CFAP54: variants seen among roughly 807,000 people sequenced by gnomAD.
CFAP54 encodes the protein cilia and flagella associated protein 54, also known as cilia- and flagella-associated protein 54.
A neutral mutation model predicts 370.4 loss-of-function variants in CFAP54; 290 were observed. The observed-to-expected ratio is 0.78, with a 90% CI of 0.71 to 0.86. CFAP54 has a LOEUF of 0.86. Among genes scored for constraint, CFAP54 ranks in the 40% least tolerant of loss-of-function variants. The probability of loss-of-function intolerance (pLI) is 0.00; values close to 1 mark genes in which losing one functional copy is unlikely to be tolerated. For synonymous variants in CFAP54, 1,206 were observed against 1,236.5 expected (o/e 0.98, Z 0.52); for missense variants, 3,399 against 3,528.7 (o/e 0.96, Z 0.93).
At chr12:96,581,793 C>T (rs1469283390) in intron 22 of CFAP54, among the ~76,000 whole-genome samples, 2 of 152,022 alleles carry the variant, frequency 1.3e-5, no homozygotes, top group African/African-American at 2.4e-5. Context: ...ATATAATTGA[C>T]ATTGCTGTAT....
intron 55 of CFAP54, 147 bp downstream of exon 55, chr12:96,744,293 A>G: frequency 1.4e-6 from 1 of 719,410 alleles, no homozygotes; most frequent in Non-Finnish European, 2.3e-6. Context: ...GTTTTTGATC[A>G]CTTATCATAT....
At position 96,540,959 on chromosome 12, in the gene CFAP54, C is replaced by G. The variant is rs1955562809; in HGVS notation, c.2049C>G (p.Ser683Arg). ...GTGAAATATTGGAATCTTTAGGAAG[C>G]CCAGGAAGAAAATTTAAACAATCTC... is the stretch of plus-strand genomic sequence containing the variant. ...RLSEILESLGSPGRKFKQSLD... is the reference protein window; with the variant it reads ...RLSEILESLGRPGRKFKQSLD... The change falls in exon 14 of 68, where the codon AGC becomes AGG. Residue 683 changes from serine to arginine, a missense_variant. Physicochemically the swap from Ser to Arg is moderately radical, Grantham distance 110. Coordinates refer to ENST00000524981, the MANE Select transcript of CFAP54 (RefSeq NM_001306084.2). The G allele has an allele frequency of 6.7e-7, 1 of 1,503,416 alleles. No individual in the cohort carries two copies. 93.1% of individuals were successfully genotyped at this position (1,503,416 alleles called of 1,614,324 possible).
intron 66 of CFAP54, among the ~76,000 whole-genome samples, chr12:96,859,225 C>G (rs1468181515): frequency 6.6e-6 from 1 of 152,028 alleles, no homozygotes; most frequent in Non-Finnish European, 1.5e-5. Context: ...GAAGCTGGAC[C>G]CCTTATTTAT....
intron 33 of CFAP54, among the ~76,000 whole-genome samples, chr12:96,644,693 G>T: frequency 6.6e-6 from 1 of 152,170 alleles, no homozygotes; most frequent in Non-Finnish European, 1.5e-5. Context: ...ACACATGGTG[G>T]CAGGAGAGAG....
At chr12:96,604,052 T>C (rs895717796) in intron 26 of CFAP54, among the ~76,000 whole-genome samples, 9 of 152,260 alleles carry the variant, frequency 5.9e-5, no homozygotes, top group Non-Finnish European at 1.5e-5. Flanking sequence ...TTTTGGAATT[T>C]TTAGCCCTTC....
intron 50 of CFAP54, among the ~76,000 whole-genome samples, chr12:96,738,887 G>A (rs1198681211): frequency 6.6e-6 from 1 of 152,174 alleles, no homozygotes; most frequent in Admixed American, 6.5e-5. Context: ...TGGGATTACA[G>A]GCGTGAGCCA....
intron 40 of CFAP54, chr12:96,682,038 A>G (rs1957279401): frequency 2.0e-6 from 1 of 502,538 alleles, no homozygotes; most frequent in South Asian, 8.6e-5. Context: ...TATATACAAA[A>G]TATTTCCTTT....
At chr12:96,711,025 A>G (rs1246863320) in intron 48 of CFAP54, among the ~76,000 whole-genome samples, 1 of 152,198 alleles carries the variant, frequency 6.6e-6, no homozygotes, top group African/African-American at 2.4e-5. Flanking sequence ...TTCAACAGTG[A>G]AGACATCTGA....
intron 66 of CFAP54, among the ~76,000 whole-genome samples, chr12:96,830,087 G>C (rs1218762600): frequency 6.6e-6 from 1 of 152,062 alleles, no homozygotes; most frequent in Non-Finnish European, 1.5e-5. Flanking sequence ...ATATTCCATT[G>C]TATGTATATA....
chr12:96,653,078 G>T (rs1398757297), intron 36 of CFAP54, among the ~76,000 whole-genome samples: 3 of 152,214 alleles, frequency 2.0e-5, no homozygotes, highest in African/African-American at 7.2e-5. Flanking sequence ...CAGGGAGAGG[G>T]CATGGCAGCT....
At chr12:96,547,236 A>G (rs1955649728) in intron 14 of CFAP54, among the ~76,000 whole-genome samples, 1 of 152,084 alleles carries the variant, frequency 6.6e-6, no homozygotes. Context: ...CCCAGGCTGG[A>G]GTGCAGTGGC....
chr12:96,821,706 A>T (rs1298312971), intron 65 of CFAP54, among the ~76,000 whole-genome samples: 5 of 142,254 alleles, frequency 3.5e-5, no homozygotes, highest in Admixed American at 2.1e-4. Context: ...CTTTATTAAA[A>T]AAAAAAAAAA....
chr12:96,591,863 C>T (rs1030352408), intron 23 of CFAP54, among the ~76,000 whole-genome samples: 2 of 150,126 alleles, frequency 1.3e-5, no homozygotes, highest in African/African-American at 4.9e-5. Context: ...TGCACTCCAG[C>T]CTGGGCGACA....
intron 60 of CFAP54, among the ~76,000 whole-genome samples, chr12:96,773,115 T>G (rs1220587225): frequency 6.6e-6 from 1 of 152,192 alleles, no homozygotes; most frequent in Admixed American, 6.5e-5. Flanking sequence ...TCAAATAGAA[T>G]GAGATTTATC....
At chr12:96,861,018 C>T in intron 67 of CFAP54, 66 bp downstream of exon 67, 1 of 1,187,628 alleles carries the variant, frequency 8.4e-7, no homozygotes, top group South Asian at 2.2e-5. Flanking sequence ...TGGAACGGTC[C>T]TCTTATAACA....
intron 39 of CFAP54, among the ~76,000 whole-genome samples, chr12:96,672,540 G>A (rs1417142097): frequency 6.6e-6 from 1 of 152,226 alleles, no homozygotes; most frequent in Non-Finnish European, 1.5e-5. Context: ...GGTCCAATGA[G>A]TGAGATTGGT....
rs181773736 is a variant in CFAP54 at position 96,796,783 on chromosome 12, C to T, written c.8850+4284C>T. The stretch of plus-strand genomic sequence containing the variant: ...TATTTAATGTGTTTGTAATGATGTA[C>T]GCTTTTTCATTTCTTATATTGGTTA... On this transcript the variant is annotated intron_variant, in intron 63 of 67. Transcript: ENST00000524981. Among the ~76,000 whole-genome samples, 62 of 152,054 alleles carry T rather than the reference C, an allele frequency of 4.1e-4. 1 individual carries two copies. Among genetic ancestry groups the T allele is most frequent in the East Asian group, 1.4e-3 (7 of 5,176 alleles).
intron 38 of CFAP54, 124 bp downstream of exon 38, chr12:96,658,470 C>A: frequency 8.6e-7 from 1 of 1,161,566 alleles, no homozygotes; most frequent in Non-Finnish European, 1.2e-6. Context: ...CACTTACTGG[C>A]ATTTATCATT....
chr12:96,744,051 G>A lies in CFAP54; in HGVS notation c.7589G>A (p.Arg2530His), dbSNP rs138643514. Reference protein sequence around the residue: ...MLAFGETIEFRSSNTKYANPL... With the variant: ...MLAFGETIEFHSSNTKYANPL... ...GCTTTTGGAGAAACAATTGAATTTC[G>A]TTCATCAAACACTAAATATGCAAAT... The change falls in exon 55 of 68, where the codon CGT (arginine) becomes CAT (histidine). Residue 2530 changes from arginine to histidine, a missense_variant. This residue lies in a region of CFAP54 where 2,796 missense variants were observed against 2,869.7 expected (regional missense o/e 0.97). Transcript: ENST00000524981. The A allele has an allele frequency of 1.3e-4, 214 of 1,609,764 alleles. 1 individual carries two copies. The South Asian group carries it at 1.4e-3, about 11-fold the overall frequency.
Sources: allele counts gnomAD v4.1 joint callset (sites outside exome capture counted in the v4.1 genomes callset), GRCh38; gene constraint gnomAD v4.1.1; regional missense constraint gnomAD v4.1.1; transcripts MANE v1.5; gene names NCBI Gene and HGNC (gene_info 2026-07-23, HGNC 2026-07-21).